Variants in TRPM6 observed in about 807,000 individuals in gnomAD.
TRPM6 encodes transient receptor potential cation channel subfamily M member 6.
Under a neutral mutation model 247.6 loss-of-function variants are expected in TRPM6, and 111 were observed. The observed-to-expected ratio is 0.45, with a 90% CI of 0.38 to 0.52. The LOEUF (loss-of-function observed/expected upper bound fraction) is 0.52. Among genes scored for constraint, TRPM6 ranks in the 20% least tolerant of loss-of-function variants. TRPM6 has a pLI of 0.00. For missense variants in TRPM6, 2,126 were observed against 2,421.5 expected (o/e 0.88, Z 2.56); for synonymous variants, 892 against 853.8 (o/e 1.04, Z -0.78).
chr9:74,802,295 A>T, intron 15 of TRPM6, 120 bp from the exon 16 acceptor site: 1 of 917,126 alleles, frequency 1.1e-6, no homozygotes, highest in South Asian at 1.5e-5. Flanking sequence ...AGAGATGGAA[A>T]TAATAATAAG....
intron 14 of TRPM6, chr9:74,804,752 A>G: frequency 2.5e-6 from 2 of 784,770 alleles, no homozygotes; most frequent in Non-Finnish European, 4.5e-6. Flanking sequence ...AATGGGTAGA[A>G]GCAACCACTG....
At chr9:74,780,041 A>C (rs1166361903) in intron 23 of TRPM6, among the ~76,000 whole-genome samples, 1 of 151,726 alleles carries the variant, frequency 6.6e-6, no homozygotes, top group Non-Finnish European at 1.5e-5. Context: ...GTGTGGTGGC[A>C]TGCACCTGTA....
At chr9:74,766,432 G>A (rs2118858526) in intron 25 of TRPM6, among the ~76,000 whole-genome samples, 1 of 152,288 alleles carries the variant, frequency 6.6e-6, no homozygotes, top group East Asian at 1.9e-4. Flanking sequence ...TTTATTATGG[G>A]CCTTTAGGCA....
Position 74,840,145 on chromosome 9 carries a change from T to A in TRPM6, c.423A>T (p.Ser141=). 2 of 1,613,316 alleles carry A rather than the reference T, an allele frequency of 1.2e-6. No homozygotes were observed. The highest frequency in any genetic ancestry group is 8.5e-7 in the Non-Finnish European group (1 of 1,179,252). ...WKMELPKLVI[S]VHGGIQNFTM... ...TAAAGTTCTGGATGCCCCCATGGACTGAGATCACAAGCTTGGGCAGTTCCA... is the reference window on the plus strand; with the variant it reads ...TAAAGTTCTGGATGCCCCCATGGACAGAGATCACAAGCTTGGGCAGTTCCA... Residue 141 remains serine, a synonymous_variant, in exon 5 of 39, where the codon TCA becomes TCT. Transcript: ENST00000360774.
At chr9:74,752,241 GA>G (rs752322769) in intron 29 of TRPM6, 35 bp downstream of exon 29, 129 of 1,301,868 alleles carry the variant, frequency 9.9e-5, no homozygotes, top group Non-Finnish European at 2.7e-5. Context: ...CTGCATGCTC[GA>G]ATGCTTTTTT....
chr9:74,828,648 A>G (rs1333344758), intron 6 of TRPM6, among the ~76,000 whole-genome samples: 2 of 124,742 alleles, frequency 1.6e-5, no homozygotes, highest in African/African-American at 3.2e-5. Context: ...TTTTTTTTTG[A>G]GATGGAGTCT....
chr9:74,867,138 T>C (rs1830870392), intron 1 of TRPM6, among the ~76,000 whole-genome samples: 1 of 152,176 alleles, frequency 6.6e-6, no homozygotes, highest in South Asian at 2.1e-4. Flanking sequence ...ACAAAGAAAA[T>C]CTGCCTCACA....
chr9:74,748,390 A>T (rs1423308384), intron 30 of TRPM6, among the ~76,000 whole-genome samples: 1 of 152,152 alleles, frequency 6.6e-6, no homozygotes, highest in Non-Finnish European at 1.5e-5. Flanking sequence ...TTTTAAGTTA[A>T]CTGTAAACAG....
intron 12 of TRPM6, 132 bp downstream of exon 12, chr9:74,812,167 T>C (rs1828753488): frequency 8.5e-7 from 1 of 1,180,204 alleles, no homozygotes; most frequent in African/African-American, 1.5e-5. Context: ...TAGATCCAGC[T>C]TCAGATAATA....
At chr9:74,809,633 T>C (rs371732113) in intron 13 of TRPM6, among the ~76,000 whole-genome samples, 1 of 152,046 alleles carries the variant, frequency 6.6e-6, no homozygotes, top group East Asian at 1.9e-4. Context: ...ATTGCATAAA[T>C]CAATACAAAC....
chr9:74,745,361 G>A (rs1188392635), intron 31 of TRPM6, among the ~76,000 whole-genome samples: 1 of 152,156 alleles, frequency 6.6e-6, no homozygotes, highest in Non-Finnish European at 1.5e-5. Context: ...TGCTCAAGAG[G>A]AAGAGCAGTA....
intron 12 of TRPM6, 92 bp downstream of exon 12, chr9:74,812,207 G>C: frequency 1.9e-6 from 3 of 1,543,928 alleles, no homozygotes; most frequent in Non-Finnish European, 2.7e-6. Flanking sequence ...AATTTCCTCA[G>C]ATAAGGAGTT....
chr9:74,805,673 G>A (rs1828502334), intron 14 of TRPM6, among the ~76,000 whole-genome samples: 1 of 152,178 alleles, frequency 6.6e-6, no homozygotes, highest in Non-Finnish European at 1.5e-5. Flanking sequence ...ATACCTGGGT[G>A]ACTGTGGCAG....
chr9:74,758,540 T>C (rs563262601), intron 27 of TRPM6, among the ~76,000 whole-genome samples: 1 of 152,218 alleles, frequency 6.6e-6, no homozygotes, highest in African/African-American at 2.4e-5. Context: ...AAATATCTGA[T>C]CACCTAAGTA....
intron 31 of TRPM6, among the ~76,000 whole-genome samples, chr9:74,745,738 T>G (rs988762249): frequency 1.3e-5 from 2 of 152,084 alleles, no homozygotes; most frequent in African/African-American, 4.8e-5. Context: ...GAAATGAGGT[T>G]GAGGGGTGGC....
At chr9:74,767,568 C>A (rs1010992295) in intron 25 of TRPM6, among the ~76,000 whole-genome samples, 1 of 152,180 alleles carries the variant, frequency 6.6e-6, no homozygotes, top group African/African-American at 2.4e-5. Flanking sequence ...TCCCATACCT[C>A]ATTTATGAGG....
intron 1 of TRPM6, among the ~76,000 whole-genome samples, chr9:74,885,784 C>T (rs943467055): frequency 1.3e-5 from 2 of 152,052 alleles, no homozygotes; most frequent in African/African-American, 4.8e-5. Context: ...TGATTTAAAA[C>T]ACAGTGAGGC....
chr9:74,816,295 G>A (rs1195867469), intron 11 of TRPM6, among the ~76,000 whole-genome samples: 1 of 152,056 alleles, frequency 6.6e-6, no homozygotes, highest in African/African-American at 2.4e-5. Flanking sequence ...CCTGACCCCA[G>A]GAGTTAAAGG....
At chr9:74,867,370 T>G (rs2118432372) in intron 1 of TRPM6, among the ~76,000 whole-genome samples, 1 of 152,318 alleles carries the variant, frequency 6.6e-6, no homozygotes, top group East Asian at 1.9e-4. Flanking sequence ...AGAGAACTAC[T>G]GCACACAAGT....
Sources: gnomAD v4.1 joint callset for allele counts (sites outside exome capture counted in the v4.1 genomes callset) on GRCh38, gnomAD v4.1.1 for gene constraint, MANE v1.5 for transcripts, NCBI Gene and HGNC (gene_info 2026-07-23, HGNC 2026-07-21) for gene names.